The following ELN variants were observed in gnomAD, a reference collection of about 807,000 sequenced individuals.
ELN encodes the protein elastin.
In ELN, 65 loss-of-function variants were observed where a neutral mutation model predicts 105.8. That is an observed-to-expected ratio of 0.61 (90% CI 0.50 to 0.75). The LOEUF (loss-of-function observed/expected upper bound fraction) is 0.75. ELN is among the 30% of genes least tolerant of loss of function. The probability of loss-of-function intolerance (pLI) is 0.00; values close to 1 mark genes in which losing one functional copy is unlikely to be tolerated. For missense variants in ELN, 882 were observed against 969.4 expected (o/e 0.91, Z 1.20); for synonymous variants, 368 against 389.2 (o/e 0.95, Z 0.64).
At chr7:74,045,148 C>A in intron 9 of ELN, 74 bp from the exon 10 acceptor site, 1 of 1,576,734 alleles carries the variant, frequency 6.3e-7, no homozygotes, top group Non-Finnish European at 8.7e-7. Flanking sequence ...GCTGGGGGAC[C>A]CGAGGAGGGG....
intron 15 of ELN, 89 bp downstream of exon 15, chr7:74,048,645 C>T: frequency 6.8e-7 from 1 of 1,480,818 alleles, no homozygotes; most frequent in Non-Finnish European, 9.3e-7. Context: ...TCCAAAGTGG[C>T]CCCTACATAC....
intron 26 of ELN, 136 bp downstream of exon 26, chr7:74,061,275 G>A: frequency 9.3e-7 from 1 of 1,075,776 alleles, no homozygotes; most frequent in South Asian, 1.3e-5. Flanking sequence ...CCAGCACTTT[G>A]GGAGGCCGAG....
chr7:74,057,118 G>T (rs1231928550), intron 21 of ELN, among the ~76,000 whole-genome samples: 2 of 152,048 alleles, frequency 1.3e-5, no homozygotes, highest in Non-Finnish European at 2.9e-5. Context: ...GGCACCTATA[G>T]TCCCAGCTAC....
chr7:74,066,685 T>G (rs1584051953), intron 31 of ELN, 47 bp from the exon 32 acceptor site: 5 of 1,605,042 alleles, frequency 3.1e-6, no homozygotes, highest in Non-Finnish European at 4.3e-6. Context: ...GAGGCTGGAG[T>G]CAGTTTCCAC....
At chr7:74,061,441 C>T (rs1216936924) in intron 26 of ELN, among the ~76,000 whole-genome samples, 2 of 151,986 alleles carry the variant, frequency 1.3e-5, no homozygotes, top group African/African-American at 4.8e-5. Context: ...CAACTGAGGT[C>T]GGGGGTTCCA....
intron 1 of ELN, among the ~76,000 whole-genome samples, chr7:74,034,033 T>A (rs1789323095): frequency 6.6e-6 from 1 of 152,208 alleles, no homozygotes; most frequent in African/African-American, 2.4e-5. Context: ...GAACTCGTGA[T>A]CCTGTCTGGC....
intron 17 of ELN, chr7:74,052,771 AAGAG>A (rs780547191): frequency 4.6e-6 from 1 of 215,440 alleles, no homozygotes; most frequent in Non-Finnish European, 9.3e-6. Flanking sequence ...GAAGAAACAA[AAGAG>A]AGAAAGAGAA....
At position 74,051,752 on chromosome 7, in the gene ELN, G is replaced by T; in HGVS notation, c.802G>T (p.Ala268Ser). ...TTGCACTGTCCCCATCTCAACAGGT[G>T]CTGGAGCAGCCGGAGTCCTCCCTGG... Reference protein sequence around the residue: ...AAAKAAAKFGAGAAGVLPGVG... With the variant: ...AAAKAAAKFGSGAAGVLPGVG... Residue 268 changes from alanine (A) to serine (S), a missense_variant and splice_region_variant, in exon 16 of 33, where the codon GCT (alanine) becomes TCT (serine). Transcript: ENST00000252034. 1 of 1,614,216 alleles carries T rather than the reference G, an allele frequency of 6.2e-7. No individual in the cohort carries two copies. The highest frequency in any genetic ancestry group is 1.1e-5 in the South Asian group (1 of 91,080).
intron 18 of ELN, among the ~76,000 whole-genome samples, chr7:74,054,241 G>T (rs1022868142): frequency 6.6e-6 from 1 of 152,112 alleles, no homozygotes; most frequent in Admixed American, 6.5e-5. Context: ...GCCAAGGTGG[G>T]CGGATCACCT....
Position 74,066,767 on chromosome 7 carries a change from A to C in ELN, c.2122A>C (p.Ile708Leu), listed in dbSNP as rs1584053194. ...AARPGFGLSP[I>L]FPGGACLGKA... ...AAGACCTGGCTTCGGATTGTCTCCC[A>C]TTTTCCCAGGTATGCCAGGCTCCCT... The change falls in exon 32 of 33, where the codon ATT becomes CTT. Residue 708 changes from isoleucine to leucine, a missense_variant. Ile to Leu is a conservative substitution (Grantham distance 5). Transcript: ENST00000252034. The C allele has an allele frequency of 6.2e-7, 1 of 1,612,840 alleles. No individual in the cohort carries two copies. The highest frequency in any genetic ancestry group is 8.5e-7 in the Non-Finnish European group (1 of 1,179,424).
rs557648416 is a variant in ELN, at chr7:74,050,291, A to G, written c.800-1459A>G. Among the ~76,000 whole-genome samples, 3 of 149,862 alleles carry G rather than the reference A, an allele frequency of 2.0e-5. No individual in the cohort carries two copies. The East Asian group carries it at 6.1e-4, about 30-fold the overall frequency. On this transcript the variant is annotated intron_variant, in intron 15 of 32. Transcript: ENST00000252034. ...CTTCCCTCTATCCATCCACTCATCC[A>G]TCCATTCCTCCATGCATCCATTCCT...
At chr7:74,059,555 G>A (rs782100468) in intron 22 of ELN, 21 of 448,660 alleles carry the variant, frequency 4.7e-5, no homozygotes, top group East Asian at 9.0e-5. Flanking sequence ...ATGGTGGTGC[G>A]CACCTGTAGT....
chr7:74,033,291 A>C (rs1441570622), intron 1 of ELN, among the ~76,000 whole-genome samples: 1 of 152,224 alleles, frequency 6.6e-6, no homozygotes, highest in Non-Finnish European at 1.5e-5. Context: ...CTCTGGAGCC[A>C]GAGAGTAGAG....
chr7:74,033,720 C>T (rs1238170320), intron 1 of ELN, among the ~76,000 whole-genome samples: 3 of 152,210 alleles, frequency 2.0e-5, no homozygotes, highest in South Asian at 2.1e-4. Context: ...TGTGCAGCGT[C>T]GCCAGGCCTC....
chr7:74,045,311 CAG>C lies in ELN; in HGVS notation c.541+21_541+22del. The C allele has an allele frequency of 6.2e-7, 1 of 1,613,728 alleles. No individual in the cohort carries two copies. The highest frequency in any genetic ancestry group is 1.1e-5 in the South Asian group (1 of 91,070). ...GGCTCCAGGTATGCAGCTGTCTGGA[CAG>C]AGGGCTGATGGCAGGGACTCTCCAA... On this transcript the variant is annotated intron_variant, in intron 10 of 32. Transcript: ENST00000252034.
At chr7:74,056,798 C>T (rs1795343174) in intron 21 of ELN, 85 bp downstream of exon 21, 2 of 1,583,574 alleles carry the variant, frequency 1.3e-6, no homozygotes, top group East Asian at 2.2e-5. Context: ...GGCTCCCAGG[C>T]CTCCAGGACT....
Position 74,063,488 on chromosome 7 carries a change from A to C in ELN, c.1918+119A>C. ...CCTGCCCCAGACACCTCCTGGCTCC[A>C]CTGTGCCATCGAAGGCCAGGGGAGA... is the stretch of plus-strand genomic sequence containing the variant. On this transcript the variant is annotated intron_variant, in intron 28 of 32. Transcript: ENST00000252034. The surrounding 1 kb of genome is among the most constrained non-coding windows in gnomAD (Gnocchi z 4.1). The C allele has an allele frequency of 1.2e-6, 2 of 1,605,388 alleles. No homozygotes were observed. The highest frequency in any genetic ancestry group is 2.2e-5 in the South Asian group (2 of 90,600).
At chr7:74,067,947 A>C (rs1376031341) in intron 32 of ELN, among the ~76,000 whole-genome samples, 5 of 151,022 alleles carry the variant, frequency 3.3e-5, no homozygotes, top group Admixed American at 1.3e-4. Flanking sequence ...AAAAAAAAAA[A>C]AAAAAAAAAA....
chr7:74,056,375 G>C lies in ELN; in HGVS notation c.1255G>C (p.Gly419Arg). ...VGVGGIPGVAGVPGVGGVPGV... is the reference protein window; with the variant it reads ...VGVGGIPGVARVPGVGGVPGV... ...AGTCGGAGGTATCCCTGGAGTCGCA[G>C]GTGTCCCTGGTGTCGGAGGTGTTCC... is the stretch of plus-strand genomic sequence containing the variant. Residue 419 changes from glycine (G) to arginine (R), a missense_variant, in exon 20 of 33, where the codon GGT becomes CGT. By Grantham distance (125) the Gly-to-Arg change is moderately radical. Coordinates refer to ENST00000252034, the MANE Select transcript of ELN (RefSeq NM_000501.4). 6.2e-7 allele frequency: 1 copy of C among 1,613,622 alleles called. No individual in the cohort carries two copies. The highest frequency in any genetic ancestry group is 8.5e-7 in the Non-Finnish European group (1 of 1,179,694).
Sources: gnomAD v4.1 joint callset for allele counts (sites outside exome capture counted in the v4.1 genomes callset) on GRCh38, gnomAD v4.1.1 for gene constraint, Gnocchi (gnomAD v3.1) non-coding constraint, MANE v1.5 for transcripts, NCBI Gene and HGNC (gene_info 2026-07-23, HGNC 2026-07-21) for gene names.